Variants in CACNA2D1 observed in about 807,000 individuals in gnomAD.
CACNA2D1 encodes voltage-dependent calcium channel subunit alpha-2/delta-1.
CACNA2D1 carries 53 observed loss-of-function variants against 171.5 expected under a neutral mutation model. The ratio of observed to expected loss-of-function variants is 0.31; its 90% confidence interval spans 0.25 to 0.39. CACNA2D1 has a LOEUF of 0.39. Among genes scored for constraint, CACNA2D1 ranks in the 10% least tolerant of loss-of-function variants. The pLI is 1.00. For synonymous variants in CACNA2D1, 442 were observed against 443.1 expected (o/e 1.00, Z 0.03); for missense variants, 903 against 1,299.8 (o/e 0.69, Z 4.69).
intron 10 of CACNA2D1, among the ~76,000 whole-genome samples, chr7:82,059,475 G>A (rs1806338007): frequency 6.6e-6 from 1 of 151,652 alleles, no homozygotes; most frequent in East Asian, 1.9e-4. Context: ...GATGAAATGA[G>A]GATGATAATG....
intron 3 of CACNA2D1, among the ~76,000 whole-genome samples, chr7:82,277,669 A>G (rs190172645): frequency 6.4e-4 from 97 of 152,290 alleles, no homozygotes; most frequent in African/African-American, 2.2e-3. Context: ...ACACACACAC[A>G]TACACAAAAA....
intron 3 of CACNA2D1, among the ~76,000 whole-genome samples, chr7:82,233,139 A>C (rs1803154251): frequency 1.3e-5 from 2 of 152,270 alleles, no homozygotes; most frequent in Admixed American, 1.3e-4. Flanking sequence ...GAATCACTTC[A>C]TAAAACTTAT....
intron 3 of CACNA2D1, among the ~76,000 whole-genome samples, chr7:82,204,083 C>G (rs1488417041): frequency 6.6e-6 from 1 of 152,194 alleles, no homozygotes; most frequent in African/African-American, 2.4e-5. Context: ...GGGCATCCTC[C>G]ATTCCCTATG....
intron 3 of CACNA2D1, among the ~76,000 whole-genome samples, chr7:82,250,372 T>C (rs1296091498): frequency 6.6e-6 from 1 of 152,212 alleles, no homozygotes; most frequent in Admixed American, 6.5e-5. Context: ...AAAAGCATAA[T>C]CCTATAAAAA....
At chr7:82,192,749 CT>C (rs201695555) in intron 3 of CACNA2D1, among the ~76,000 whole-genome samples, 12,881 of 140,442 alleles carry the variant, frequency 0.092, 894 homozygotes, top group African/African-American at 0.17. Flanking sequence ...GCAGCTGTTC[CT>C]TTTTTTTTTT....
rs1471183425 is a variant in CACNA2D1, at chr7:82,350,689, CA to C, written c.96-1041del. Among the ~76,000 whole-genome samples, 4 of 152,026 alleles carry C rather than the reference CA, an allele frequency of 2.6e-5. No individual in the cohort carries two copies. In the East Asian group the frequency reaches 7.8e-4, roughly 29 times the overall value. ...CAAAAAAACAAAAACAAAACAACAA[CA>C]ACAAAAAAATTATTTCCTTAGCTAG... is the stretch of plus-strand genomic sequence containing the variant. On this transcript the variant is annotated intron_variant, in intron 1 of 38. Coordinates refer to ENST00000356860, the MANE Select transcript of CACNA2D1 (RefSeq NM_000722.4).
intron 2 of CACNA2D1, among the ~76,000 whole-genome samples, chr7:82,336,033 GCAGT>G (rs1817949583): frequency 6.6e-6 from 1 of 152,154 alleles, no homozygotes; most frequent in African/African-American, 2.4e-5. Flanking sequence ...TGGAGGGGAA[GCAGT>G]CACAGTGTTT....
intron 3 of CACNA2D1, among the ~76,000 whole-genome samples, chr7:82,186,740 AGT>A (rs1386565369): frequency 1.3e-5 from 2 of 152,226 alleles, no homozygotes; most frequent in African/African-American, 4.8e-5. Flanking sequence ...AAAGCAATCT[AGT>A]AGCAATTATA....
chr7:81,979,199 C>T (rs1796189680), intron 24 of CACNA2D1, among the ~76,000 whole-genome samples: 1 of 151,878 alleles, frequency 6.6e-6, no homozygotes, highest in Admixed American at 6.6e-5. Context: ...GGGTAGGTAA[C>T]ATTTAAGGTT....
At chr7:82,325,485 G>A (rs1267659015) in intron 3 of CACNA2D1, among the ~76,000 whole-genome samples, 1 of 151,272 alleles carries the variant, frequency 6.6e-6, no homozygotes, top group Non-Finnish European at 1.5e-5. Flanking sequence ...GTTATAATAA[G>A]TACATGCCAA....
intron 36 of CACNA2D1, 117 bp downstream of exon 36, chr7:81,961,777 A>C (rs1241945829): frequency 1.1e-6 from 1 of 916,774 alleles, no homozygotes; most frequent in African/African-American, 1.7e-5. Context: ...TCTGACTCCA[A>C]CACAATTTTC....
intron 3 of CACNA2D1, among the ~76,000 whole-genome samples, chr7:82,231,860 T>C (rs932570027): frequency 6.6e-6 from 1 of 152,188 alleles, no homozygotes; most frequent in Admixed American, 6.5e-5. Flanking sequence ...ATATTACAAT[T>C]GATCTGAAGT....
intron 17 of CACNA2D1, 87 bp from the exon 18 acceptor site, chr7:82,005,584 A>T: frequency 2.2e-6 from 2 of 922,882 alleles, no homozygotes; most frequent in Non-Finnish European, 3.5e-6. Flanking sequence ...TGTATTAAAT[A>T]CACATTGTAT....
intron 1 of CACNA2D1, among the ~76,000 whole-genome samples, chr7:82,368,738 A>G (rs1822022414): frequency 6.6e-6 from 1 of 152,128 alleles, no homozygotes; most frequent in Non-Finnish European, 1.5e-5. Flanking sequence ...CTTTTTCAGA[A>G]ATTTCCAGAT....
chr7:82,125,688 A>G (rs1192824498), intron 5 of CACNA2D1, among the ~76,000 whole-genome samples: 7 of 152,122 alleles, frequency 4.6e-5, no homozygotes, highest in Non-Finnish European at 7.3e-5. Context: ...GCCAGTCTGA[A>G]CAACATAGTG....
At chr7:81,950,610 T>G in intron 38 of CACNA2D1, 102 bp from the exon 39 acceptor site, 1 of 1,451,260 alleles carries the variant, frequency 6.9e-7, no homozygotes, top group South Asian at 1.3e-5. Flanking sequence ...TTTAGTTCAC[T>G]TTCTGAACTT....
intron 1 of CACNA2D1, among the ~76,000 whole-genome samples, chr7:82,358,465 A>G (rs549660080): frequency 6.6e-6 from 1 of 152,174 alleles, no homozygotes. Flanking sequence ...ACCATTTTCA[A>G]TAACACTGCT....
intron 10 of CACNA2D1, among the ~76,000 whole-genome samples, chr7:82,048,565 C>T (rs972485419): frequency 4.6e-5 from 7 of 151,904 alleles, no homozygotes; most frequent in Non-Finnish European, 8.8e-5. Context: ...TTTTTTTATT[C>T]CTCTAGGAAT....
chr7:82,081,383 T>A (rs1809751253), intron 7 of CACNA2D1, among the ~76,000 whole-genome samples: 1 of 152,178 alleles, frequency 6.6e-6, no homozygotes, highest in Admixed American at 6.5e-5. Flanking sequence ...AATCGCCCAC[T>A]TTTAAAGTTA....
Sources: allele counts gnomAD v4.1 joint callset (sites outside exome capture counted in the v4.1 genomes callset), GRCh38; gene constraint gnomAD v4.1.1; transcripts MANE v1.5; gene names NCBI Gene and HGNC (gene_info 2026-07-23, HGNC 2026-07-21).